AEN: variants seen among roughly 807,000 people sequenced by gnomAD.
The protein encoded by AEN is apoptosis enhancing nuclease.
A neutral mutation model predicts 17.7 loss-of-function variants in AEN; 21 were observed. The observed-to-expected ratio is 1.19, with a 90% CI of 0.84 to 1.71. The LOEUF (loss-of-function observed/expected upper bound fraction) is 1.71, where lower values mean the gene tolerates loss of function less well. Ranked by LOEUF, AEN falls within the 40% of genes most tolerant of loss-of-function variation. The pLI is 0.00. For missense variants in AEN, 462 were observed against 435.9 expected, an observed-to-expected ratio of 1.06 and a Z score of -0.53; for synonymous variants, 190 against 173.0, an observed-to-expected ratio of 1.10 and a Z score of -0.77.
the AEN span, among the ~76,000 whole-genome samples, chr15:88,612,591 A>ATTTG: frequency 6.9e-5 from 10 of 145,928 alleles, no homozygotes; most frequent in African/African-American, 2.7e-4. Context: ...TTATTTATTT[A>ATTTG]TTTATTTATT....
chr15:88,614,294 G>C, the AEN span, among the ~76,000 whole-genome samples: 1 of 151,758 alleles, frequency 6.6e-6, no homozygotes, highest in South Asian at 2.1e-4. Context: ...CAACCTCCTG[G>C]GCTCAAGCAA....
the AEN span, among the ~76,000 whole-genome samples, chr15:88,615,659 G>C: frequency 2.0e-5 from 3 of 151,820 alleles, no homozygotes; most frequent in Non-Finnish European, 2.9e-5. Flanking sequence ...TTGACTTTCT[G>C]GGCCTCATCC....
chr15:88,622,262 G>A (rs1358285108), intron 1 of AEN, among the ~76,000 whole-genome samples: 1 of 152,212 alleles, frequency 6.6e-6, no homozygotes, highest in East Asian at 1.9e-4. Context: ...GCTAGAGAAA[G>A]GCTTGTGTTT....
intron 2 of AEN, 45 bp from the exon 3 acceptor site, chr15:88,629,181 G>A (rs1469473497): frequency 6.3e-7 from 1 of 1,599,084 alleles, no homozygotes; most frequent in Admixed American, 1.7e-5. Context: ...CTGCCAACCT[G>A]ATGGGGTGTG....
chr15:88,629,929 T>G, intron 3 of AEN, 129 bp from the exon 4 acceptor site: 3 of 830,926 alleles, frequency 3.6e-6, no homozygotes, highest in Non-Finnish European at 5.9e-6. Context: ...CCCTTTTCTG[T>G]GAACCTCCAT....
At chr15:88,613,922 T>C in the AEN span, among the ~76,000 whole-genome samples, 1 of 152,202 alleles carries the variant, frequency 6.6e-6, no homozygotes, top group Admixed American at 6.5e-5. Flanking sequence ...TCACCAGCCT[T>C]GTGCACCCAC....
upstream of AEN, among the ~76,000 whole-genome samples, chr15:88,618,380 TC>T (rs1251089112): frequency 6.6e-6 from 1 of 152,270 alleles, no homozygotes; most frequent in African/African-American, 2.4e-5. Context: ...ACTTGTTAAC[TC>T]TAAAAAATTT....
chr15:88,608,818 C>T, the AEN span, among the ~76,000 whole-genome samples: 10 of 152,342 alleles, frequency 6.6e-5, no homozygotes, highest in African/African-American at 1.9e-4. Context: ...GCTGACTCAT[C>T]GCTTCCCAGG....
At chr15:88,627,420 A>C (rs2057868149) in intron 2 of AEN, 1 of 151,594 alleles carries the variant, frequency 6.6e-6, no homozygotes, top group African/African-American at 2.4e-5. Flanking sequence ...TAAGATAGAA[A>C]CCTAATAAAA....
At chr15:88,608,877 C>G in the AEN span, among the ~76,000 whole-genome samples, 3 of 152,112 alleles carry the variant, frequency 2.0e-5, no homozygotes, top group Admixed American at 1.3e-4. Context: ...GGAGATTATC[C>G]CAGTCCTTTG....
At chr15:88,626,109 C>G (rs2141371470) in intron 1 of AEN, 37 bp from the exon 2 acceptor site, 4 of 1,360,848 alleles carry the variant, frequency 2.9e-6, no homozygotes, top group African/African-American at 2.9e-5. Context: ...CTGGCACACT[C>G]TCACCCAGCC....
chr15:88,610,264 AG>A, the AEN span, among the ~76,000 whole-genome samples: 2 of 151,618 alleles, frequency 1.3e-5, no homozygotes, highest in African/African-American at 4.9e-5. Flanking sequence ...TCAAGGTTGA[AG>A]GACTAACCCT....
chr15:88,616,980 T>C (rs191685508), upstream of AEN, among the ~76,000 whole-genome samples: 2 of 152,238 alleles, frequency 1.3e-5, no homozygotes, highest in African/African-American at 4.8e-5. Context: ...CATGGCCTCA[T>C]TGTTAAGTCA....
At chr15:88,620,499 C>G (rs1240828522), upstream of AEN, among the ~76,000 whole-genome samples, 1 of 152,046 alleles carries the variant, frequency 6.6e-6, no homozygotes, top group Non-Finnish European at 1.5e-5. Flanking sequence ...ACTGCAACCT[C>G]CGCCTTCTGG....
At chr15:88,618,748 C>A (rs1488628054), upstream of AEN, among the ~76,000 whole-genome samples, 1 of 152,172 alleles carries the variant, frequency 6.6e-6, no homozygotes, top group Non-Finnish European at 1.5e-5. Flanking sequence ...TGGCAATTCT[C>A]CCACTTCTTT....
chr15:88,614,029 C>T, the AEN span, among the ~76,000 whole-genome samples: 3 of 152,200 alleles, frequency 2.0e-5, no homozygotes, highest in South Asian at 6.2e-4. Flanking sequence ...AATATGTATC[C>T]TTCCCCTTCC....
the AEN span, among the ~76,000 whole-genome samples, chr15:88,612,938 G>T: frequency 6.6e-6 from 1 of 152,060 alleles, no homozygotes; most frequent in South Asian, 2.1e-4. Flanking sequence ...TGCCTGGGGG[G>T]TACCTTGCCC....
chr15:88,623,784 C>T lies in AEN; in HGVS notation c.-64-2362C>T, dbSNP rs531555549. On this transcript the variant is annotated intron_variant, in intron 1 of 3. Transcript: ENST00000332810. ...GACCAATTCAGGGGACACCAGATTG[C>T]GGTAGGGGTGGCTTGTGGAAGGGCC... is the stretch of plus-strand genomic sequence containing the variant. 1.1e-4 allele frequency among the ~76,000 whole-genome samples: 16 copies of T among 152,234 alleles called. No homozygotes were observed. In the East Asian group the frequency reaches 2.3e-3, roughly 22 times the overall value.
Position 88,624,550 on chromosome 15 carries a change from T to C in AEN, c.-64-1596T>C, listed in dbSNP as rs141720409. On this transcript the variant is annotated intron_variant, in intron 1 of 3. Transcript: ENST00000332810. ...GAGGGGGTGGTAGGATCATTTTACA[T>C]GCCTGAAAACTGAAACTTAGCAGTT... Among the ~76,000 whole-genome samples, 1,452 of 152,314 alleles carry C rather than the reference T, an allele frequency of 9.5e-3. 25 individuals carry two copies. The highest frequency in any genetic ancestry group is 0.033 in the African/African-American group (1,362 of 41,554).
Sources: gnomAD v4.1 joint callset for allele counts (sites outside exome capture counted in the v4.1 genomes callset) on GRCh38, gnomAD v4.1.1 for gene constraint, MANE v1.5 for transcripts, NCBI Gene and HGNC (gene_info 2026-07-23, HGNC 2026-07-21) for gene names.